The following PEAK1 variants were observed in gnomAD, a reference collection of about 807,000 sequenced individuals.
The protein encoded by PEAK1 is inactive tyrosine-protein kinase PEAK1.
PEAK1 carries 54 observed loss-of-function variants against 124.7 expected under a neutral mutation model. The observed-to-expected ratio is 0.43, with a 90% CI of 0.35 to 0.54. The LOEUF (loss-of-function observed/expected upper bound fraction) is 0.54. Ranked by LOEUF, PEAK1 falls within the 20% of genes least tolerant of loss-of-function variation. PEAK1 has a pLI of 0.01. For missense variants in PEAK1, 2,046 were observed against 2,134.5 expected, an observed-to-expected ratio of 0.96 and a Z score of 0.82; for synonymous variants, 719 against 760.0, an observed-to-expected ratio of 0.95 and a Z score of 0.89.
At chr15:77,215,292 A>C (rs546508450) in intron 6 of PEAK1, among the ~76,000 whole-genome samples, 1 of 152,268 alleles carries the variant, frequency 6.6e-6, no homozygotes, top group South Asian at 2.1e-4. Flanking sequence ...CAAGATCTTT[A>C]TCACATAGGC....
intron 9 of PEAK1, among the ~76,000 whole-genome samples, chr15:77,120,252 A>G (rs2051789774): frequency 6.6e-6 from 1 of 152,184 alleles, no homozygotes; most frequent in African/African-American, 2.4e-5. Context: ...CAACCATGTC[A>G]TATACACTAC....
intron 6 of PEAK1, among the ~76,000 whole-genome samples, chr15:77,196,079 C>A (rs1596556077): frequency 6.6e-6 from 1 of 152,164 alleles, no homozygotes; most frequent in African/African-American, 2.4e-5. Context: ...AGTGTTTCTA[C>A]TAAAGAGAAG....
intron 6 of PEAK1, among the ~76,000 whole-genome samples, chr15:77,250,565 TG>T (rs1473908721): frequency 2.0e-5 from 3 of 152,108 alleles, no homozygotes; most frequent in Admixed American, 1.3e-4. Flanking sequence ...CCCGAGTAGC[TG>T]GGACTACAGG....
chr15:77,186,194 A>G (rs562336357), intron 6 of PEAK1, among the ~76,000 whole-genome samples: 81 of 152,318 alleles, frequency 5.3e-4, no homozygotes, highest in African/African-American at 1.9e-3. Context: ...TGTACTTAGC[A>G]CTATGCAGCA....
chr15:77,362,552 T>C (rs1308716201), intron 2 of PEAK1, among the ~76,000 whole-genome samples: 1 of 152,178 alleles, frequency 6.6e-6, no homozygotes, highest in Non-Finnish European at 1.5e-5. Context: ...CCTCATTCAT[T>C]GCTAGTAGGA....
At chr15:77,340,442 A>G (rs2066458641) in intron 2 of PEAK1, among the ~76,000 whole-genome samples, 1 of 152,176 alleles carries the variant, frequency 6.6e-6, no homozygotes, top group Non-Finnish European at 1.5e-5. Context: ...AAGATGAGTA[A>G]TTGCCAAGGG....
chr15:77,204,513 G>C (rs1017300123), intron 6 of PEAK1: 6 of 153,128 alleles, frequency 3.9e-5, no homozygotes, highest in African/African-American at 1.4e-4. Context: ...GCTTCACAAA[G>C]GCTCTCATTG....
intron 2 of PEAK1, chr15:77,334,475 G>A (rs2066074414): frequency 1.0e-6 from 1 of 985,232 alleles, no homozygotes; most frequent in South Asian, 4.7e-5. Context: ...AGGAGATTTA[G>A]TCAGATTTAT....
chr15:77,405,498 T>C (rs2071744588), intron 1 of PEAK1, among the ~76,000 whole-genome samples: 1 of 152,192 alleles, frequency 6.6e-6, no homozygotes, highest in Non-Finnish European at 1.5e-5. Context: ...TTTTAAAAGA[T>C]GTGTGGTATA....
At chr15:77,350,582 G>C in intron 2 of PEAK1, 1 of 943,124 alleles carries the variant, frequency 1.1e-6, no homozygotes, top group Non-Finnish European at 1.3e-6. Flanking sequence ...AGGCAAAATA[G>C]TAAGTATATG....
chr15:77,365,671 C>T (rs557577953), intron 1 of PEAK1, among the ~76,000 whole-genome samples: 4 of 141,926 alleles, frequency 2.8e-5, no homozygotes, highest in African/African-American at 7.8e-5. Flanking sequence ...ACCCGGGAGG[C>T]GGAGGTTGCA....
intron 1 of PEAK1, chr15:77,401,894 G>A: frequency 2.0e-6 from 2 of 985,248 alleles, no homozygotes; most frequent in South Asian, 9.4e-5. Context: ...AGATACAGAA[G>A]TAGCAAGACT....
At chr15:77,417,267 C>T in intron 1 of PEAK1, 1 of 822,896 alleles carries the variant, frequency 1.2e-6, no homozygotes, top group Non-Finnish European at 1.5e-6. Context: ...GTCCTACCTA[C>T]CACCATGCCT....
At chr15:77,335,273 GCT>G in intron 2 of PEAK1, 2 of 985,382 alleles carry the variant, frequency 2.0e-6, no homozygotes, top group Non-Finnish European at 2.4e-6. Flanking sequence ...CATAAGCAAT[GCT>G]GCCTAACAAA....
intron 1 of PEAK1, among the ~76,000 whole-genome samples, chr15:77,407,892 T>TATATATATACAC (rs1243417383): frequency 7.2e-6 from 1 of 138,240 alleles, no homozygotes; most frequent in African/African-American, 2.6e-5. Flanking sequence ...GATATATATA[T>TATATATATACAC]ATATATATAC....
rs2053010048 is a variant in PEAK1, at chr15:77,133,021, T to C, written c.4061A>G (p.Asn1354Ser). 3.7e-6 allele frequency: 6 copies of C among 1,609,842 alleles called. No homozygotes were observed. The highest frequency in any genetic ancestry group is 3.3e-5 in the South Asian group (3 of 91,018). ...YTASYAKDPL[N>S]NYAVKICKSK... ...TTTTCTTACCTTGACTGCATAGTTA[T>C]TAAGTGGATCTTTTGCATATGAAGC... The change falls in exon 9 of 10, where the codon AAT (asparagine) becomes AGT (serine). Residue 1354 changes from asparagine (N) to serine (S), a missense_variant. Transcript: ENST00000682557. This position sits in a 1 kb window ranked among gnomAD's most constrained non-coding sequence, Gnocchi z 4.2.
At chr15:77,246,170 A>G (rs1419840853) in intron 6 of PEAK1, among the ~76,000 whole-genome samples, 1 of 151,874 alleles carries the variant, frequency 6.6e-6, no homozygotes, top group Admixed American at 6.6e-5. Context: ...CACCATTCCC[A>G]GCTAATTTTT....
chr15:77,366,519 C>T (rs2068251200), intron 1 of PEAK1, among the ~76,000 whole-genome samples: 1 of 151,706 alleles, frequency 6.6e-6, no homozygotes, highest in African/African-American at 2.4e-5. Context: ...CATTTTTGTA[C>T]ACTGTTCATA....
At chr15:77,190,529 C>T (rs1289241215) in intron 6 of PEAK1, among the ~76,000 whole-genome samples, 3 of 152,116 alleles carry the variant, frequency 2.0e-5, no homozygotes, top group Non-Finnish European at 4.4e-5. Flanking sequence ...CTAATGTAAA[C>T]ACAGGCAGGA....
Sources: gnomAD v4.1 joint callset for allele counts (sites outside exome capture counted in the v4.1 genomes callset) on GRCh38, gnomAD v4.1.1 for gene constraint, Gnocchi (gnomAD v3.1) non-coding constraint, MANE v1.5 for transcripts, NCBI Gene and HGNC (gene_info 2026-07-23, HGNC 2026-07-21) for gene names.